SDK1: variants seen among roughly 807,000 people sequenced by gnomAD.
SDK1 encodes sidekick cell adhesion molecule 1.
SDK1 carries 157 observed loss-of-function variants against 245.5 expected under a neutral mutation model. The ratio of observed to expected loss-of-function variants is 0.64; its 90% CI spans 0.56 to 0.73. SDK1 has a LOEUF of 0.73. SDK1 is among the 30% of genes least tolerant of loss of function. SDK1 has a pLI of 0.00. For synonymous variants in SDK1, 1,647 were observed against 1,278.5 expected (o/e 1.29, Z -6.15); for missense variants, 3,583 against 3,002.3 (o/e 1.19, Z -4.52).
At chr7:3,865,582 C>T (rs994475498) in intron 5 of SDK1, among the ~76,000 whole-genome samples, 22 of 152,152 alleles carry the variant, frequency 1.4e-4, no homozygotes, top group African/African-American at 5.3e-4. Flanking sequence ...AATCACAGCT[C>T]ACCGCAGCTT....
chr7:3,364,635 G>C (rs1463948853), intron 1 of SDK1, among the ~76,000 whole-genome samples: 1 of 151,970 alleles, frequency 6.6e-6, no homozygotes, highest in Non-Finnish European at 1.5e-5. Context: ...TCATTGATCT[G>C]TGTATGTCCC....
chr7:3,714,980 G>A (rs1174461300), intron 4 of SDK1, among the ~76,000 whole-genome samples: 1 of 152,162 alleles, frequency 6.6e-6, no homozygotes, highest in Non-Finnish European at 1.5e-5. Context: ...TCAATATTAT[G>A]TAGCATTAAA....
At chr7:3,313,794 A>G (rs1432945713) in intron 1 of SDK1, among the ~76,000 whole-genome samples, 1 of 152,220 alleles carries the variant, frequency 6.6e-6, no homozygotes, top group Non-Finnish European at 1.5e-5. Flanking sequence ...TTGAGTTGCT[A>G]AAAGTAAATT....
chr7:3,621,413 T>C (rs1220881657), intron 2 of SDK1, among the ~76,000 whole-genome samples: 4 of 152,178 alleles, frequency 2.6e-5, no homozygotes, highest in Non-Finnish European at 1.5e-5. Flanking sequence ...AAAAATTAAA[T>C]TACATAGTGC....
intron 5 of SDK1, among the ~76,000 whole-genome samples, chr7:3,829,254 A>G (rs1779855627): frequency 1.3e-5 from 2 of 152,214 alleles, no homozygotes; most frequent in Non-Finnish European, 2.9e-5. Context: ...GTTTTACAAA[A>G]TTGTTTTAGG....
At chr7:3,753,656 G>C (rs1779838336) in intron 4 of SDK1, among the ~76,000 whole-genome samples, 1 of 152,102 alleles carries the variant, frequency 6.6e-6, no homozygotes, top group African/African-American at 2.4e-5. Context: ...CTGTAAACCT[G>C]TTTATCACAG....
At chr7:3,444,077 T>G (rs189091583) in intron 1 of SDK1, among the ~76,000 whole-genome samples, 35 of 152,362 alleles carry the variant, frequency 2.3e-4, no homozygotes, top group Non-Finnish European at 4.0e-4. Flanking sequence ...ACTCCTATAC[T>G]GCTCTTCCTT....
intron 1 of SDK1, among the ~76,000 whole-genome samples, chr7:3,378,223 C>G (rs1172464070): frequency 6.6e-6 from 1 of 152,146 alleles, no homozygotes; most frequent in Non-Finnish European, 1.5e-5. Flanking sequence ...CCAAGAGTCC[C>G]TCATAGTTTT....
At chr7:3,407,848 C>G (rs1183013547) in intron 1 of SDK1, among the ~76,000 whole-genome samples, 2 of 152,112 alleles carry the variant, frequency 1.3e-5, no homozygotes, top group Non-Finnish European at 2.9e-5. Flanking sequence ...TTAACTGCCA[C>G]TTACTGAGTG....
At chr7:4,041,350 T>A (rs1050262540) in intron 17 of SDK1, among the ~76,000 whole-genome samples, 1 of 149,168 alleles carries the variant, frequency 6.7e-6, no homozygotes, top group African/African-American at 2.5e-5. Flanking sequence ...GTTAAAAGAG[T>A]TTTGATATAC....
At chr7:3,511,783 G>T (rs893073163) in intron 1 of SDK1, among the ~76,000 whole-genome samples, 1 of 136,816 alleles carries the variant, frequency 7.3e-6, no homozygotes, top group Admixed American at 7.7e-5. Context: ...GGCAGCCACT[G>T]TTTTTTTTGT....
rs116293367 is a variant in SDK1 at position 4,200,135 on chromosome 7, C to A, written c.5099-5744C>A. 4.8e-3 allele frequency among the ~76,000 whole-genome samples: 738 copies of A among 152,240 alleles called. 9 individuals are homozygous for A. The highest frequency in any genetic ancestry group is 0.017 in the African/African-American group (710 of 41,536). On this transcript the variant is annotated intron_variant, in intron 35 of 44. Coordinates refer to ENST00000404826, the MANE Select transcript of SDK1 (RefSeq NM_152744.4). ...AAGGCCAGGAGCATCTCTTAGATTT[C>A]CTCTGCGTACCTGTAGTGCCCCACC... is the stretch of plus-strand genomic sequence containing the variant.
chr7:3,461,038 G>A (rs188762194), intron 1 of SDK1, among the ~76,000 whole-genome samples: 4 of 152,204 alleles, frequency 2.6e-5, no homozygotes, highest in South Asian at 2.1e-4. Flanking sequence ...CAGATTTAAC[G>A]GGATTTTACA....
intron 1 of SDK1, among the ~76,000 whole-genome samples, chr7:3,581,759 A>G (rs536535123): frequency 2.3e-4 from 35 of 152,344 alleles, no homozygotes; most frequent in East Asian, 1.5e-3. Flanking sequence ...ATGCTCATCA[A>G]TGTTAGACTG....
At chr7:3,382,945 AAAAG>A (rs1410666685) in intron 1 of SDK1, among the ~76,000 whole-genome samples, 3 of 152,140 alleles carry the variant, frequency 2.0e-5, no homozygotes, top group African/African-American at 7.2e-5. Flanking sequence ...ATTTTGGGTA[AAAAG>A]AAAGATTACC....
chr7:4,055,291 G>C (rs10228678), intron 19 of SDK1, among the ~76,000 whole-genome samples: 39,064 of 152,006 alleles, frequency 0.26, 7,507 homozygotes, highest in African/African-American at 0.55. Flanking sequence ...GACTATCCAG[G>C]TTGTCTGTTT....
At chr7:3,443,787 A>G (rs1780264464) in intron 1 of SDK1, among the ~76,000 whole-genome samples, 1 of 152,124 alleles carries the variant, frequency 6.6e-6, no homozygotes, top group Admixed American at 6.6e-5. Context: ...TTATTTTTAG[A>G]TTCTTTCTTA....
intron 4 of SDK1, among the ~76,000 whole-genome samples, chr7:3,650,356 A>C (rs1476079014): frequency 1.3e-5 from 2 of 150,194 alleles, no homozygotes; most frequent in Admixed American, 6.6e-5. Flanking sequence ...ATAACTCCCC[A>C]CTCCCTCCTT....
At chr7:3,327,307 T>G (rs1403622582) in intron 1 of SDK1, among the ~76,000 whole-genome samples, 1 of 152,128 alleles carries the variant, frequency 6.6e-6, no homozygotes, top group Non-Finnish European at 1.5e-5. Context: ...ATCTGCAGAT[T>G]TGTCATGTGG....
Sources: allele counts gnomAD v4.1 joint callset (sites outside exome capture counted in the v4.1 genomes callset), GRCh38; gene constraint gnomAD v4.1.1; transcripts MANE v1.5; gene names NCBI Gene and HGNC (gene_info 2026-07-23, HGNC 2026-07-21).